TIAM2: variants seen among roughly 807,000 people sequenced by gnomAD.
TIAM2 encodes the protein TIAM Rac1 associated GEF 2.
A neutral mutation model predicts 152.9 loss-of-function variants in TIAM2; 80 were observed. The ratio of observed to expected loss-of-function variants is 0.52; its 90% CI spans 0.44 to 0.63. The LOEUF (loss-of-function observed/expected upper bound fraction) is 0.63. Ranked by LOEUF, TIAM2 falls within the 30% of genes least tolerant of loss-of-function variation. The probability of loss-of-function intolerance (pLI) is 0.00; values close to 1 mark genes in which losing one functional copy is unlikely to be tolerated. For missense variants in TIAM2, 1,965 were observed against 2,120.1 expected, an observed-to-expected ratio of 0.93 and a Z score of 1.44; for synonymous variants, 804 against 838.0, an observed-to-expected ratio of 0.96 and a Z score of 0.70.
intron 2 of TIAM2, among the ~76,000 whole-genome samples, chr6:155,120,954 G>A (rs1562322882): frequency 2.0e-5 from 3 of 152,190 alleles, no homozygotes; most frequent in Non-Finnish European, 2.9e-5. Context: ...CCTAACGTGA[G>A]TTATCTACTA....
rs190076029 is a variant in TIAM2, at chr6:155,066,123, C to T, written c.-208-24166C>T. On this transcript the variant is annotated intron_variant, in intron 1 of 26. Coordinates refer to ENST00000682666, the MANE Select transcript of TIAM2 (RefSeq NM_012454.4). ...AGCTAAATTGGTCCTGGGCCTTCTCCACTGAGACGGCCGCTCTTGTCCCCT... is the reference window on the plus strand; with the variant it reads ...AGCTAAATTGGTCCTGGGCCTTCTCTACTGAGACGGCCGCTCTTGTCCCCT... Among the ~76,000 whole-genome samples, 691 of 151,336 alleles carry T rather than the reference C, an allele frequency of 4.6e-3. 4 individuals are homozygous for T. The highest frequency in any genetic ancestry group is 0.016 in the African/African-American group (651 of 41,336).
At chr6:155,167,145 C>A (rs1780462188) in intron 9 of TIAM2, among the ~76,000 whole-genome samples, 1 of 152,138 alleles carries the variant, frequency 6.6e-6, no homozygotes, top group Admixed American at 6.5e-5. Context: ...GGAAACTTTT[C>A]TTATGTGGCC....
intron 1 of TIAM2, among the ~76,000 whole-genome samples, chr6:155,034,207 A>G (rs748490299): frequency 6.6e-6 from 1 of 151,874 alleles, no homozygotes. Flanking sequence ...TGCCCAGTCA[A>G]TATAACTCTA....
At chr6:155,041,292 T>C (rs1231155507) in intron 1 of TIAM2, among the ~76,000 whole-genome samples, 1 of 152,228 alleles carries the variant, frequency 6.6e-6, no homozygotes, top group Non-Finnish European at 1.5e-5. Flanking sequence ...GGGGGAGAAC[T>C]TCATAAAACT....
chr6:155,139,265 T>A (rs1409588148), intron 5 of TIAM2, among the ~76,000 whole-genome samples: 1 of 152,216 alleles, frequency 6.6e-6, no homozygotes, highest in Non-Finnish European at 1.5e-5. Flanking sequence ...CATGCCTTCG[T>A]TACCACAAGC....
chr6:155,202,760 G>C (rs1158211080), intron 14 of TIAM2, among the ~76,000 whole-genome samples: 1 of 151,564 alleles, frequency 6.6e-6, no homozygotes, highest in Non-Finnish European at 1.5e-5. Flanking sequence ...GATTCTGGCT[G>C]GGTGCCATAG....
chr6:155,238,067 CT>C (rs1265614078), intron 15 of TIAM2, among the ~76,000 whole-genome samples: 2 of 152,208 alleles, frequency 1.3e-5, no homozygotes, highest in East Asian at 3.8e-4. Context: ...GGCTGAATGC[CT>C]TTACCAGCAC....
At chr6:155,190,829 A>G (rs1781181194) in intron 14 of TIAM2, among the ~76,000 whole-genome samples, 2 of 148,198 alleles carry the variant, frequency 1.3e-5, no homozygotes, top group Admixed American at 6.7e-5. Context: ...AGCCTGTTAC[A>G]TAAGGAAAAG....
At chr6:155,181,514 G>A (rs913879998) in intron 12 of TIAM2, among the ~76,000 whole-genome samples, 3 of 152,138 alleles carry the variant, frequency 2.0e-5, no homozygotes, top group African/African-American at 7.2e-5. Flanking sequence ...ACTTTTAGGT[G>A]TACAGTTTTG....
Position 155,156,741 on chromosome 6 carries a change from CCCA to C in TIAM2, c.2029-7671_2029-7669del, listed in dbSNP as rs1171505351. Among the ~76,000 whole-genome samples, 1 of 152,148 alleles carries C rather than the reference CCCA, an allele frequency of 6.6e-6. No homozygotes were observed. Among genetic ancestry groups the C allele is most frequent in the African/African-American group, 2.4e-5 (1 of 41,420 alleles). On this transcript the variant is annotated intron_variant, in intron 7 of 26. Transcript: ENST00000682666. This position sits in a 1 kb window ranked among gnomAD's most constrained non-coding sequence, Gnocchi z 4.4. ...CAGATAAAGTCCCTGATAACCTCTC[CCCA>C]CCTTGACCTTTATCTGCAACTCCCT...
intron 1 of TIAM2, among the ~76,000 whole-genome samples, chr6:155,062,652 C>T (rs978944442): frequency 6.6e-6 from 1 of 151,470 alleles, no homozygotes; most frequent in African/African-American, 2.4e-5. Context: ...GATCTCGGCC[C>T]ACTGCAACCT....
At chr6:155,235,465 A>C (rs189501310) in intron 15 of TIAM2, among the ~76,000 whole-genome samples, 1 of 152,314 alleles carries the variant, frequency 6.6e-6, no homozygotes, top group Admixed American at 6.5e-5. Flanking sequence ...CCAGATAATC[A>C]CTATTCCTAT....
chr6:155,071,092 G>A (rs758488030), intron 1 of TIAM2, among the ~76,000 whole-genome samples: 4 of 152,148 alleles, frequency 2.6e-5, no homozygotes, highest in Admixed American at 6.5e-5. Context: ...AGGATGGCTC[G>A]TGCCCGAGAG....
At chr6:155,169,631 G>T (rs533028402) in intron 9 of TIAM2, among the ~76,000 whole-genome samples, 1 of 152,036 alleles carries the variant, frequency 6.6e-6, no homozygotes, top group Non-Finnish European at 1.5e-5. Flanking sequence ...CTCTCCAGGC[G>T]CCGTCAAGGG....
At chr6:155,089,932 A>G (rs1260615710) in intron 1 of TIAM2, among the ~76,000 whole-genome samples, 1 of 151,986 alleles carries the variant, frequency 6.6e-6, no homozygotes, top group African/African-American at 2.4e-5. Flanking sequence ...CCATCCATCC[A>G]TCTGTCCGTC....
chr6:155,245,755 G>GTTTTTTTTT (rs11435976), intron 19 of TIAM2, 24 bp downstream of exon 19: 217 of 1,023,120 alleles, frequency 2.1e-4, no homozygotes, highest in South Asian at 6.8e-4. Context: ...GCCTTTTATA[G>GTTTTTTTTT]TTTTTTTTTT....
At chr6:155,251,229 GCT>G (rs1265790794) in intron 22 of TIAM2, among the ~76,000 whole-genome samples, 2 of 152,186 alleles carry the variant, frequency 1.3e-5, no homozygotes, top group African/African-American at 4.8e-5. Context: ...CTGCTGCTTG[GCT>G]CAGGCCAAGT....
At chr6:155,072,122 G>GAC (rs111720658) in intron 1 of TIAM2, among the ~76,000 whole-genome samples, 5,739 of 152,132 alleles carry the variant, frequency 0.038, 381 homozygotes, top group African/African-American at 0.13. Flanking sequence ...TGGCTGGGAG[G>GAC]ACAGGAGCTG....
chr6:155,047,399 C>T (rs1442046520), intron 1 of TIAM2, among the ~76,000 whole-genome samples: 3 of 152,090 alleles, frequency 2.0e-5, no homozygotes, highest in South Asian at 2.1e-4. Flanking sequence ...AGGCTGGTCT[C>T]GAACTCCTGA....
Sources: allele counts gnomAD v4.1 joint callset (sites outside exome capture counted in the v4.1 genomes callset), GRCh38; gene constraint gnomAD v4.1.1; non-coding constraint Gnocchi (gnomAD v3.1); transcripts MANE v1.5; gene names NCBI Gene and HGNC (gene_info 2026-07-23, HGNC 2026-07-21).